Variants in OR51L1 observed in about 807,000 individuals in gnomAD.
The protein encoded by OR51L1 is olfactory receptor family 51 subfamily L member 1.
A neutral mutation model predicts 1.4 loss-of-function variants in OR51L1; 1 was observed. The observed-to-expected ratio is 0.72, with a 90% CI of 0.26 to 3.42. The LOEUF (loss-of-function observed/expected upper bound fraction) is 3.42. OR51L1 is among the 30% of genes most tolerant of loss of function. The pLI is 0.20. For missense variants in OR51L1, 378 were observed against 380.0 expected, an observed-to-expected ratio of 0.99 and a Z score of 0.04; for synonymous variants, 156 against 144.2, an observed-to-expected ratio of 1.08 and a Z score of -0.59.
intron 2 of OR51L1, among the ~76,000 whole-genome samples, chr11:4,998,114 CTT>C (rs1047312661): frequency 2.0e-5 from 3 of 151,646 alleles, no homozygotes; most frequent in Non-Finnish European, 4.4e-5. Context: ...AGGGAAATGT[CTT>C]TAATGGACTT....
Position 4,999,921 on chromosome 11 carries a change from G to A in OR51L1, c.939G>A (p.Arg313=), listed in dbSNP as rs1437749839. ...TTCTCCACAAGTTTGTCCTAAGGAG[G>A]AGGTTTTAAGTAACCTCTGTCCTCC... ...LGILHKFVLR[R]RF Residue 313 remains arginine, a synonymous_variant, in exon 3 of 3, where the codon AGG becomes AGA. Transcript: ENST00000641819. The A allele has an allele frequency of 6.2e-7, 1 of 1,605,026 alleles. No individual in the cohort carries two copies. Among genetic ancestry groups the A allele is most frequent in the Admixed American group, 1.7e-5 (1 of 59,296 alleles).
chr11:4,998,405 A>G (rs914357189), intron 2 of OR51L1, among the ~76,000 whole-genome samples: 1 of 151,982 alleles, frequency 6.6e-6, no homozygotes, highest in African/African-American at 2.4e-5. Context: ...TCTTATGTTC[A>G]TGCTCTCTTT....
intron 2 of OR51L1, 131 bp from the exon 3 acceptor site, chr11:4,998,693 G>A (rs981944279): frequency 2.9e-5 from 9 of 308,600 alleles, no homozygotes; most frequent in African/African-American, 4.3e-5. Flanking sequence ...CTATTCTCAC[G>A]TTGCTTAAAT....
rs1193390875 is a variant in OR51L1 at position 5,000,537 on chromosome 11, CA to C, written c.*609del. 6.6e-6 allele frequency: 1 copy of C among 152,250 alleles called. No individual in the cohort carries two copies. The highest frequency in any genetic ancestry group is 1.5e-5 in the Non-Finnish European group (1 of 68,098). The allele number at this position is 152,250 out of a possible 1,614,324, so 9.4% of individuals were successfully genotyped here. ...GCTATTCTAGATCTATCAGCTTCCT[CA>C]ATTTGCCAGCAAATACTGAGTTAGA... On this transcript the variant is annotated 3_prime_UTR_variant, in exon 3 of 3. Coordinates refer to ENST00000641819, the MANE Select transcript of OR51L1 (RefSeq NM_001004755.2).
At position 4,999,471 on chromosome 11, in the gene OR51L1, G is replaced by A; in HGVS notation, c.489G>A (p.Leu163=). 6.2e-7 allele frequency: 1 copy of A among 1,614,052 alleles called. No individual in the cohort carries two copies. Among genetic ancestry groups the A allele is most frequent in the East Asian group, 2.2e-5 (1 of 44,858 alleles). The change falls in exon 3 of 3, where the codon TTG becomes TTA. Residue 163 remains leucine (L), a synonymous_variant. Coordinates refer to ENST00000641819, the MANE Select transcript of OR51L1 (RefSeq NM_001004755.2). The part of the protein sequence containing the change: ...RSLGVVLPTP[L]LLRHYHYCHG... ...TGGGAGTTGTACTTCCCACACCTTT[G>A]CTACTGAGACACTATCACTACTGCC... is the stretch of plus-strand genomic sequence containing the variant.
At chr11:4,998,674 C>A (rs1286286296) in intron 2 of OR51L1, 150 bp from the exon 3 acceptor site, 10 of 255,572 alleles carry the variant, frequency 3.9e-5, no homozygotes, top group Non-Finnish European at 7.4e-5. Context: ...AGTAAAAGTT[C>A]TTTTTTCTCT....
rs929580885 is a variant in OR51L1 at position 5,002,177 on chromosome 11, T to C, written c.*2247T>C. ...TATCTTGTTCTGCTTTTGTGCTCTG[T>C]AATGTCATATAGGTTAATGAAATTG... On this transcript the variant is annotated 3_prime_UTR_variant, in exon 3 of 3. Coordinates refer to ENST00000641819, the MANE Select transcript of OR51L1 (RefSeq NM_001004755.2). 3.9e-5 allele frequency: 6 copies of C among 152,216 alleles called. No individual in the cohort carries two copies. Among genetic ancestry groups the C allele is most frequent in the African/African-American group, 1.4e-4 (6 of 41,460 alleles). The allele number at this position is 152,216 out of a possible 1,614,324, so 9.4% of individuals were successfully genotyped here.
At position 4,999,374 on chromosome 11, in the gene OR51L1, C is replaced by G; in HGVS notation, c.392C>G (p.Pro131Arg). The G allele has an allele frequency of 6.2e-7, 1 of 1,614,156 alleles. No homozygotes were observed. The change falls in exon 3 of 3, where the codon CCA (proline) becomes CGA (arginine). Residue 131 changes from proline (P) to arginine (R), a missense_variant. Pro to Arg is a moderately radical substitution (Grantham distance 103). Transcript: ENST00000641819. ...GACCGTTTTGTTGCTATCTGCCATC[C>G]ACTGCACTACCCCACCATCCTCACC... ...AFDRFVAICH[P>R]LHYPTILTNS... is the part of the protein sequence containing the mutation.
At position 5,005,165 on chromosome 11, in the gene OR51L1, C is replaced by T. The variant is rs1443386001; in HGVS notation, c.*5235C>T. The T allele has an allele frequency of 1.3e-5, 2 of 152,142 alleles. No homozygotes were observed. The highest frequency in any genetic ancestry group is 2.9e-5 in the Non-Finnish European group (2 of 68,026). The allele number at this position is 152,142 out of a possible 1,614,324, so 9.4% of individuals were successfully genotyped here. A position where few individuals can be genotyped will look rare whatever the true frequency, so the allele number is the denominator to read the frequency against. ...GACACGCTAGTTGTAAATTTAGGTCCACAATCCAGGTCTAGCTCCTAAAAC... is the reference window on the plus strand; with the variant it reads ...GACACGCTAGTTGTAAATTTAGGTCTACAATCCAGGTCTAGCTCCTAAAAC... On this transcript the variant is annotated 3_prime_UTR_variant, in exon 3 of 3. Coordinates refer to ENST00000641819, the MANE Select transcript of OR51L1 (RefSeq NM_001004755.2).
Position 5,004,463 on chromosome 11 carries a change from C to T in OR51L1, c.*4533C>T, listed in dbSNP as rs1202068475. 1.3e-5 allele frequency: 2 copies of T among 152,112 alleles called. No individual in the cohort carries two copies. The highest frequency in any genetic ancestry group is 2.9e-5 in the Non-Finnish European group (2 of 68,028). The allele number at this position is 152,112 out of a possible 1,614,324, so 9.4% of individuals were successfully genotyped here. A position where few individuals can be genotyped will look rare whatever the true frequency, so the allele number is the denominator to read the frequency against. ...CAAATAGGTTATTTGGGAAGCCAGT[C>T]CCTAGAGTAACTGCAAGACTCAGTA... is the stretch of plus-strand genomic sequence containing the variant. On this transcript the variant is annotated 3_prime_UTR_variant, in exon 3 of 3. Transcript: ENST00000641819.
Position 4,999,196 on chromosome 11 carries a change from G to A in OR51L1, c.214G>A (p.Asp72Asn). The A allele has an allele frequency of 6.2e-7, 1 of 1,614,100 alleles. No homozygotes were observed. The highest frequency in any genetic ancestry group is 1.1e-5 in the South Asian group (1 of 91,082). The change falls in exon 3 of 3, where the codon GAC becomes AAC. Residue 72 changes from aspartate (D) to asparagine (N), a missense_variant. Physicochemically the swap from Asp to Asn is conservative, Grantham distance 23. Coordinates refer to ENST00000641819, the MANE Select transcript of OR51L1 (RefSeq NM_001004755.2). ...YYFISILAVN[D>N]LGMSLSTLPT... ...CTTTATTTCCATCTTAGCAGTGAAT[G>A]ACCTGGGGATGTCCCTGTCTACACT...
chr11:4,999,458 T>G lies in OR51L1; in HGVS notation c.476T>G (p.Leu159Arg), dbSNP rs746799277. The change falls in exon 3 of 3, where the codon CTT (leucine) becomes CGT (arginine). Residue 159 changes from leucine to arginine, a missense_variant. Coordinates refer to ENST00000641819, the MANE Select transcript of OR51L1 (RefSeq NM_001004755.2). ...TTGCTACGAAGCTTGGGAGTTGTAC[T>G]TCCCACACCTTTGCTACTGAGACAC... ...ACLLRSLGVV[L>R]PTPLLLRHYH... The G allele has an allele frequency of 6.2e-7, 1 of 1,614,148 alleles. No individual in the cohort carries two copies. Among genetic ancestry groups the G allele is most frequent in the East Asian group, 2.2e-5 (1 of 44,854 alleles).
rs1272188115 is a variant in OR51L1, at chr11:4,999,513, T to C, written c.531T>C (p.Ser177=). The C allele has an allele frequency of 3.1e-6, 5 of 1,614,082 alleles. No individual in the cohort carries two copies. The highest frequency in any genetic ancestry group is 4.2e-6 in the Non-Finnish European group (5 of 1,180,006). The change falls in exon 3 of 3, where the codon TCT becomes TCC. Residue 177 remains serine, a synonymous_variant. Coordinates refer to ENST00000641819, the MANE Select transcript of OR51L1 (RefSeq NM_001004755.2). ...ACTACTGCCATGGCAATGCCCTCTC[T>C]CACGCCTTCTGTTTGCACCAGGATG... ...HYHYCHGNAL[S]HAFCLHQDVL...
In OR51L1 at chr11:5,003,801, G is replaced by A. The variant is rs1847152563; in HGVS notation, c.*3871G>A. On this transcript the variant is annotated 3_prime_UTR_variant, in exon 3 of 3. Coordinates refer to ENST00000641819, the MANE Select transcript of OR51L1 (RefSeq NM_001004755.2). ...ATAATTCAAGTTGACATTGTGAGAT[G>A]TATGTATACAACCATCTTCTACAAT... 2 of 152,102 alleles carry A rather than the reference G, an allele frequency of 1.3e-5. No homozygotes were observed. The highest frequency in any genetic ancestry group is 4.8e-5 in the African/African-American group (2 of 41,428). The allele number at this position is 152,102 out of a possible 1,614,324, so 9.4% of individuals were successfully genotyped here.
In OR51L1 at chr11:4,995,120, C is replaced by T. The variant is rs1847057277; in HGVS notation, c.-477C>T. The T allele has an allele frequency of 2.0e-5, 3 of 151,318 alleles. No individual in the cohort carries two copies. The highest frequency in any genetic ancestry group is 2.0e-4 in the Admixed American group (3 of 15,188). The allele number at this position is 151,318 out of a possible 1,614,324, so 9.4% of individuals were successfully genotyped here. ...TAAAAAAATGGCAGCAGGAAGGAGG[C>T]TAGAAAAGATAGTAAAGATAATTTG... is the stretch of plus-strand genomic sequence containing the variant. On this transcript the variant is annotated 5_prime_UTR_variant, in exon 1 of 3. Transcript: ENST00000641819.
chr11:4,999,035 G>T lies in OR51L1; in HGVS notation c.53G>T (p.Gly18Val), dbSNP rs140344556. 408 of 1,614,048 alleles carry T rather than the reference G, an allele frequency of 2.5e-4. 2 individuals are homozygous for T. The African/African-American group carries it at 4.3e-3, about 17-fold the overall frequency. ...DAVEPIFILRGFPGLEYVHSW... is the reference protein window; with the variant it reads ...DAVEPIFILRVFPGLEYVHSW... Reference sequence around the variant, plus strand: ...GTGGAGCCCATATTTATCCTGAGGGGTTTTCCTGGACTGGAGTATGTTCAT... The same window carrying T: ...GTGGAGCCCATATTTATCCTGAGGGTTTTTCCTGGACTGGAGTATGTTCAT... Residue 18 changes from glycine (G) to valine (V), a missense_variant, in exon 3 of 3, where the codon GGT becomes GTT. Physicochemically the swap from Gly to Val is moderately radical, Grantham distance 109. Transcript: ENST00000641819.
Position 4,999,419 on chromosome 11 carries a change from T to C in OR51L1, c.437T>C (p.Ile146Thr). Reference protein sequence around the residue: ...TILTNSVIGKIGLACLLRSLG... With the variant: ...TILTNSVIGKTGLACLLRSLG... The stretch of plus-strand genomic sequence containing the variant: ...CTCACCAACAGTGTAATTGGCAAAA[T>C]TGGTTTGGCCTGTTTGCTACGAAGC... The change falls in exon 3 of 3, where the codon ATT (isoleucine) becomes ACT (threonine). Residue 146 changes from isoleucine to threonine, a missense_variant. By Grantham distance (89) the Ile-to-Thr change is moderately conservative (BLOSUM62 -1). Transcript: ENST00000641819. The C allele has an allele frequency of 6.2e-7, 1 of 1,614,154 alleles. No individual in the cohort carries two copies. The highest frequency in any genetic ancestry group is 8.5e-7 in the Non-Finnish European group (1 of 1,180,032).
intron 2 of OR51L1, among the ~76,000 whole-genome samples, chr11:4,998,194 AACACACACAC>A (rs3066001): frequency 0.037 from 5,395 of 145,718 alleles, 137 homozygotes; most frequent in Admixed American, 0.068. Flanking sequence ...TTATTTCACA[AACACACACAC>A]ACACACACAC....
chr11:4,999,005 A>T lies in OR51L1; in HGVS notation c.23A>T (p.Asp8Val), dbSNP rs771369267. 6.2e-7 allele frequency: 1 copy of T among 1,613,910 alleles called. No individual in the cohort carries two copies. Among genetic ancestry groups the T allele is most frequent in the Non-Finnish European group, 8.5e-7 (1 of 1,179,840 alleles). The change falls in exon 3 of 3, where the codon GAT becomes GTT. Residue 8 changes from aspartate to valine, a missense_variant. Transcript: ENST00000641819. ...ACTATGGGAGACTGGAATAACAGTG[A>T]TGCTGTGGAGCCCATATTTATCCTG... MGDWNNSDAVEPIFILRG... is the reference protein window; with the variant it reads MGDWNNSVAVEPIFILRG...
Sources: gnomAD v4.1 joint callset for allele counts (sites outside exome capture counted in the v4.1 genomes callset) on GRCh38, gnomAD v4.1.1 for gene constraint, MANE v1.5 for transcripts, NCBI Gene and HGNC (gene_info 2026-07-23, HGNC 2026-07-21) for gene names.